CACNA1A: variants seen among roughly 807,000 people sequenced by gnomAD.
CACNA1A encodes voltage-dependent P/Q-type calcium channel subunit alpha-1A.
In CACNA1A, 57 loss-of-function variants were observed where a neutral mutation model predicts 262.4. The observed-to-expected ratio is 0.22, with a 90% CI of 0.18 to 0.27. CACNA1A has a LOEUF of 0.27. Ranked by LOEUF, CACNA1A falls within the 10% of genes least tolerant of loss-of-function variation. The pLI is 1.00. For synonymous variants in CACNA1A, 1,431 were observed against 1,419.3 expected (o/e 1.01, Z -0.18); for missense variants, 2,526 against 3,562.8 (o/e 0.71, Z 7.41).
chr19:13,266,491 T>C (rs559978087), intron 24 of CACNA1A, among the ~76,000 whole-genome samples: 1 of 152,212 alleles, frequency 6.6e-6, no homozygotes, highest in East Asian at 1.9e-4. Flanking sequence ...CAAGTGACAA[T>C]TGGGAGCATG....
intron 46 of CACNA1A, 86 bp from the exon 47 acceptor site, chr19:13,208,139 G>A: frequency 1.4e-6 from 1 of 720,328 alleles, no homozygotes; most frequent in Non-Finnish European, 1.8e-6. Flanking sequence ...AGAGAGGGGA[G>A]CGAAGGGAGA....
chr19:13,447,821 AC>A (rs1268692856), intron 3 of CACNA1A, among the ~76,000 whole-genome samples: 2 of 152,038 alleles, frequency 1.3e-5, no homozygotes, highest in African/African-American at 4.8e-5. Flanking sequence ...CAGCAAGTCT[AC>A]TCTTTCCAAC....
chr19:13,394,562 A>G (rs1157156927), intron 3 of CACNA1A, among the ~76,000 whole-genome samples: 1 of 151,798 alleles, frequency 6.6e-6, no homozygotes, highest in Non-Finnish European at 1.5e-5. Flanking sequence ...AAAGAAAGGA[A>G]CTCTTCCTGC....
intron 38 of CACNA1A, among the ~76,000 whole-genome samples, chr19:13,217,784 T>C (rs2055068904): frequency 6.6e-6 from 1 of 152,140 alleles, no homozygotes; most frequent in East Asian, 1.9e-4. Flanking sequence ...AGTAGGCTAG[T>C]GTTGTCCAAA....
At chr19:13,378,629 T>A (rs1408771202) in intron 3 of CACNA1A, among the ~76,000 whole-genome samples, 2 of 151,028 alleles carry the variant, frequency 1.3e-5, no homozygotes, top group African/African-American at 4.9e-5. Context: ...GATTGTTAAC[T>A]TTTTTAGTAA....
chr19:13,235,590 C>A (rs1568447525), intron 32 of CACNA1A, 24 bp downstream of exon 32: 2 of 1,508,160 alleles, frequency 1.3e-6, no homozygotes, highest in South Asian at 1.1e-5. Flanking sequence ...CAGCCCTGGG[C>A]CAGCAGCAGG....
rs775401245 is a variant in CACNA1A, at chr19:13,298,557, G to GCCTCCGCTCCTTGTCCTC, written c.3058_3075dup (p.Glu1020_Arg1025dup). 1.2e-5 allele frequency: 19 copies of GCCTCCGCTCCTTGTCCTC among 1,542,988 alleles called. No homozygotes were observed. The South Asian group carries it at 2.3e-4, about 18-fold the overall frequency. On this transcript the variant is annotated inframe_insertion, in exon 19 of 47. Coordinates refer to ENST00000360228, the MANE Select transcript of CACNA1A (RefSeq NM_001127222.2). ...ACCTCCACTTACTTCCTCCTCCGAT[G>GCCTCCGCTCCTTGTCCTC]CCTCCGCTCCTTGTCCTCCCTCCGC...
intron 3 of CACNA1A, among the ~76,000 whole-genome samples, chr19:13,415,953 C>T (rs546878361): frequency 1.3e-5 from 2 of 152,176 alleles, no homozygotes; most frequent in African/African-American, 4.8e-5. Flanking sequence ...CTGGTCCCCA[C>T]AGGCCTCTGA....
At chr19:13,379,737 A>C (rs2059482706) in intron 3 of CACNA1A, among the ~76,000 whole-genome samples, 1 of 150,066 alleles carries the variant, frequency 6.7e-6, no homozygotes, top group South Asian at 2.1e-4. Context: ...CAGCCTGGCC[A>C]ATATGGTGAA....
intron 1 of CACNA1A, among the ~76,000 whole-genome samples, chr19:13,503,301 G>T (rs1348102829): frequency 6.6e-6 from 1 of 152,122 alleles, no homozygotes; most frequent in African/African-American, 2.4e-5. Flanking sequence ...AGGCGGTATG[G>T]GGAGGGGGAC....
intron 20 of CACNA1A, 74 bp downstream of exon 20, chr19:13,286,429 G>T: frequency 1.4e-6 from 1 of 704,990 alleles, no homozygotes. Context: ...CACAGTCCAG[G>T]GTCACTCAGC....
chr19:13,360,377 C>A (rs188539377), intron 5 of CACNA1A, among the ~76,000 whole-genome samples: 17 of 151,420 alleles, frequency 1.1e-4, no homozygotes, highest in African/African-American at 4.1e-4. Context: ...TCACCATGTA[C>A]CTATCACCAA....
intron 10 of CACNA1A, among the ~76,000 whole-genome samples, chr19:13,322,627 ACT>A (rs1043888538): frequency 6.7e-6 from 1 of 149,810 alleles, no homozygotes; most frequent in Admixed American, 6.7e-5. Flanking sequence ...ATGGAGTCTC[ACT>A]CTGTCACCCA....
intron 29 of CACNA1A, among the ~76,000 whole-genome samples, chr19:13,254,109 C>T (rs553575985): frequency 2.0e-4 from 30 of 152,292 alleles, no homozygotes; most frequent in South Asian, 1.2e-3. Flanking sequence ...TCAATCCTCT[C>T]ACCTCCTCTG....
At chr19:13,268,173 C>T (rs1158116814) in intron 24 of CACNA1A, among the ~76,000 whole-genome samples, 1 of 152,120 alleles carries the variant, frequency 6.6e-6, no homozygotes, top group Non-Finnish European at 1.5e-5. Flanking sequence ...AGGAGGGGGT[C>T]AGCAAAGAGT....
In CACNA1A at chr19:13,207,095, T is replaced by TG. The variant is rs559958798; in HGVS notation, c.*217dup. 662 of 418,742 alleles carry TG rather than the reference T, an allele frequency of 1.6e-3. 2 individuals are homozygous for TG. The highest frequency in any genetic ancestry group is 2.9e-3 in the Admixed American group (61 of 21,372). The allele number at this position is 418,742 out of a possible 1,614,324, so 25.9% of individuals were successfully genotyped here. A position where few individuals can be genotyped will look rare whatever the true frequency, so the allele number is the denominator to read the frequency against. ...CGTGGGTGGGGGGATCGGGGCTGGT[T>TG]GGGGGGCGCCGTGGCTGCCCAGGAG... On this transcript the variant is annotated 3_prime_UTR_variant, in exon 47 of 47. Transcript: ENST00000360228. This position sits in a 1 kb window ranked among gnomAD's most constrained non-coding sequence, Gnocchi z 5.7.
Position 13,214,487 on chromosome 19 carries a change from G to A in CACNA1A, c.5839+14C>T, listed in dbSNP as rs2054927244. 1 of 1,603,864 alleles carries A rather than the reference G, an allele frequency of 6.2e-7. No homozygotes were observed. The highest frequency in any genetic ancestry group is 8.5e-7 in the Non-Finnish European group (1 of 1,171,320). ...CCTGGTGGATTGGATCCCAGGGCTGGGCTCAGCTCTTACACTTGTGAGGTG... is the reference window on the plus strand; with the variant it reads ...CCTGGTGGATTGGATCCCAGGGCTGAGCTCAGCTCTTACACTTGTGAGGTG... On this transcript the variant is annotated intron_variant, in intron 39 of 46. Coordinates refer to ENST00000360228, the MANE Select transcript of CACNA1A (RefSeq NM_001127222.2). This position sits in a 1 kb window ranked among gnomAD's most constrained non-coding sequence, Gnocchi z 4.1.
chr19:13,312,694 G>T lies in CACNA1A; in HGVS notation c.1643C>A (p.Ser548Tyr). 6.3e-7 allele frequency: 1 copy of T among 1,592,548 alleles called. No homozygotes were observed. Among genetic ancestry groups the T allele is most frequent in the Non-Finnish European group, 8.5e-7 (1 of 1,171,020 alleles). The change falls in exon 12 of 47, where the codon TCT becomes TAT. Residue 548 changes from serine (S) to tyrosine (Y), a missense_variant. Around this residue, in one of 17 missense-constraint regions of CACNA1A, gnomAD observed 102 missense variants for 278.9 expected, o/e 0.37. Coordinates refer to ENST00000360228, the MANE Select transcript of CACNA1A (RefSeq NM_001127222.2). ...YGLGTRPYFHSSFNCFDCGVI... is the reference protein window; with the variant it reads ...YGLGTRPYFHYSFNCFDCGVI... ...CCCACAGTCAAAGCAGTTGAAGGAA[G>T]AGTGGAAGTAAGGCCGCGTCCCAAG...
chr19:13,422,958 T>A (rs537610022), intron 3 of CACNA1A, among the ~76,000 whole-genome samples: 1 of 152,350 alleles, frequency 6.6e-6, no homozygotes, highest in South Asian at 2.1e-4. Context: ...ATTATCTGTA[T>A]TCTTCCACTG....
Sources: gnomAD v4.1 joint callset for allele counts (sites outside exome capture counted in the v4.1 genomes callset) on GRCh38, gnomAD v4.1.1 for gene constraint, gnomAD v4.1.1 regional missense constraint, Gnocchi (gnomAD v3.1) non-coding constraint, MANE v1.5 for transcripts, NCBI Gene and HGNC (gene_info 2026-07-23, HGNC 2026-07-21) for gene names.